TENM3: variants seen among roughly 807,000 people sequenced by gnomAD.
TENM3 encodes the protein teneurin transmembrane protein 3.
Under a neutral mutation model 255.1 loss-of-function variants are expected in TENM3, and 63 were observed. The observed-to-expected ratio is 0.25, with a 90% CI of 0.20 to 0.30. The LOEUF (loss-of-function observed/expected upper bound fraction) is 0.30. TENM3 is among the 10% of genes least tolerant of loss of function. The pLI is 1.00. For synonymous variants in TENM3, 1,306 were observed against 1,322.3 expected (o/e 0.99, Z 0.27); for missense variants, 2,929 against 3,461.1 (o/e 0.85, Z 3.86).
chr4:182,596,093 G>A (rs2152399859), intron 3 of TENM3, among the ~76,000 whole-genome samples: 1 of 152,290 alleles, frequency 6.6e-6, no homozygotes, highest in South Asian at 2.1e-4. Context: ...ATTTTTGGGA[G>A]TCCTTGAAGT....
chr4:181,784,995 G>T, the TENM3 span, among the ~76,000 whole-genome samples: 1 of 152,116 alleles, frequency 6.6e-6, no homozygotes, highest in Admixed American at 6.6e-5. Context: ...ACAACTAAGA[G>T]TATTCCTAAC....
chr4:182,444,073 A>C (rs910826480), intron 3 of TENM3, among the ~76,000 whole-genome samples: 1 of 152,214 alleles, frequency 6.6e-6, no homozygotes, highest in African/African-American at 2.4e-5. Context: ...TCACCTAGCT[A>C]TTACACTAGC....
At chr4:182,575,616 C>A (rs1235257924) in intron 3 of TENM3, among the ~76,000 whole-genome samples, 2 of 152,158 alleles carry the variant, frequency 1.3e-5, no homozygotes, top group African/African-American at 4.8e-5. Context: ...TTGTGATTTG[C>A]AGCTTATTTT....
chr4:181,478,843 T>C, the TENM3 span, among the ~76,000 whole-genome samples: 2 of 152,236 alleles, frequency 1.3e-5, no homozygotes, highest in African/African-American at 4.8e-5. Flanking sequence ...AAGTGTTTGA[T>C]GGTTTTCACG....
chr4:181,564,033 C>CTTTTTTT, the TENM3 span, among the ~76,000 whole-genome samples: 10 of 49,490 alleles, frequency 2.0e-4, no homozygotes, highest in South Asian at 4.1e-3. Context: ...CTTTTCTTTT[C>CTTTTTTT]TTTTTTCTTT....
At chr4:181,826,556 C>T in the TENM3 span, among the ~76,000 whole-genome samples, 2 of 152,214 alleles carry the variant, frequency 1.3e-5, no homozygotes, top group African/African-American at 4.8e-5. Flanking sequence ...AGGGCCAGGG[C>T]CTATCTTCTG....
intron 1 of TENM3, among the ~76,000 whole-genome samples, chr4:182,159,233 G>A (rs1042511933): frequency 3.3e-5 from 5 of 152,184 alleles, no homozygotes; most frequent in African/African-American, 1.2e-4. Context: ...TATAATGAAC[G>A]TCATGCTTAC....
chr4:181,526,410 T>C, the TENM3 span, among the ~76,000 whole-genome samples: 1 of 152,174 alleles, frequency 6.6e-6, no homozygotes, highest in African/African-American at 2.4e-5. Flanking sequence ...CCTTCGAGTA[T>C]AAATTTCACT....
the TENM3 span, among the ~76,000 whole-genome samples, chr4:182,083,189 C>A: frequency 6.6e-6 from 1 of 152,154 alleles, no homozygotes; most frequent in Non-Finnish European, 1.5e-5. Flanking sequence ...TTCTATTGTA[C>A]TAGTGAACAT....
chr4:181,762,388 C>A, the TENM3 span, among the ~76,000 whole-genome samples: 367 of 152,252 alleles, frequency 2.4e-3, 2 homozygotes, highest in Middle Eastern at 0.024. Context: ...ACCTGGATTT[C>A]CCCCCTGCCC....
chr4:181,921,339 T>C, the TENM3 span, among the ~76,000 whole-genome samples: 2 of 152,128 alleles, frequency 1.3e-5, no homozygotes, highest in Admixed American at 6.6e-5. Flanking sequence ...TGGCCATTTT[T>C]ACGATATCGA....
At chr4:182,379,213 C>T (rs555724046) in intron 3 of TENM3, among the ~76,000 whole-genome samples, 25 of 152,234 alleles carry the variant, frequency 1.6e-4, no homozygotes, top group Non-Finnish European at 2.4e-4. Context: ...AAAAATTAGC[C>T]GGGCGTGGTA....
intron 19 of TENM3, among the ~76,000 whole-genome samples, chr4:182,747,388 A>G (rs978383324): frequency 1.3e-5 from 2 of 152,204 alleles, no homozygotes; most frequent in Non-Finnish European, 2.9e-5. Flanking sequence ...CTGAAATAAA[A>G]ATTCTTAGCT....
chr4:182,743,194 A>G lies in TENM3; in HGVS notation c.3404A>G (p.Glu1135Gly). The change falls in exon 19 of 28, where the codon GAA (glutamate) becomes GGA (glycine). Residue 1135 changes from glutamate (E) to glycine (G), a missense_variant. Transcript: ENST00000511685. ...QNGILYKGNG[E>G]NQFISQQPPV... ...GGTATACTGTACAAGGGAAACGGGG[A>G]AAACCAGTTCATCTCCCAGCAGCCT... 3 of 1,613,354 alleles carry G rather than the reference A, an allele frequency of 1.9e-6. No homozygotes were observed. Among genetic ancestry groups the G allele is most frequent in the Non-Finnish European group, 2.5e-6 (3 of 1,179,288 alleles).
chr4:182,610,101 G>T (rs936180658), intron 4 of TENM3, among the ~76,000 whole-genome samples: 3 of 152,090 alleles, frequency 2.0e-5, no homozygotes, highest in African/African-American at 7.2e-5. Context: ...CTTCCTAACA[G>T]AGATAAACTA....
At chr4:181,454,964 T>C in the TENM3 span, among the ~76,000 whole-genome samples, 1 of 152,024 alleles carries the variant, frequency 6.6e-6, no homozygotes, top group South Asian at 2.1e-4. Flanking sequence ...CACCTTCCCA[T>C]CATTAAGCAA....
At chr4:181,519,243 A>G in the TENM3 span, among the ~76,000 whole-genome samples, 1 of 152,166 alleles carries the variant, frequency 6.6e-6, no homozygotes, top group East Asian at 1.9e-4. Flanking sequence ...TAAAAGAAAA[A>G]CAGAGTGAGG....
In TENM3 at chr4:182,757,311, CAAAAAAAAAA is replaced by C. The variant is rs10571604; in HGVS notation, c.4892+2069_4892+2078del. 2.1e-4 allele frequency among the ~76,000 whole-genome samples: 11 copies of C among 53,618 alleles called. 1 individual carries two copies. In the East Asian group the frequency reaches 3.4e-3, roughly 17 times the overall value. The allele number at this position is 53,618 out of a possible 152,430, so 35.2% of individuals were successfully genotyped here. On this transcript the variant is annotated intron_variant, in intron 22 of 27. Coordinates refer to ENST00000511685, the MANE Select transcript of TENM3 (RefSeq NM_001080477.4). ...TGGGTGACAGAGTGAGACTCCGTCTCAAAAAAAAAAAAAAAAAAAAAAAAAAGATCTTCAG... is the reference window on the plus strand; with the variant it reads ...TGGGTGACAGAGTGAGACTCCGTCTCAAAAAAAAAAAAAAAAGATCTTCAG...
chr4:182,424,463 CT>C (rs368178789), intron 3 of TENM3, among the ~76,000 whole-genome samples: 22 of 147,956 alleles, frequency 1.5e-4, no homozygotes, highest in Admixed American at 3.4e-4. Flanking sequence ...ATTTTTTACA[CT>C]TTTTTTTTTC....
Sources: allele counts gnomAD v4.1 joint callset (sites outside exome capture counted in the v4.1 genomes callset), GRCh38; gene constraint gnomAD v4.1.1; transcripts MANE v1.5; gene names NCBI Gene and HGNC (gene_info 2026-07-23, HGNC 2026-07-21).